Variants in UTRN observed in about 807,000 individuals in gnomAD.
The protein encoded by UTRN is utrophin, also known as dystrophin-related protein 1.
UTRN carries 283 observed loss-of-function variants against 463.9 expected under a neutral mutation model. The observed-to-expected ratio is 0.61, with a 90% CI of 0.55 to 0.67. The LOEUF is 0.67. Among genes scored for constraint, UTRN ranks in the 30% least tolerant of loss-of-function variants. The probability of loss-of-function intolerance (pLI) is 0.00; values close to 1 mark genes in which losing one functional copy is unlikely to be tolerated. For synonymous variants in UTRN, 1,442 were observed against 1,431.5 expected, an observed-to-expected ratio of 1.01 and a Z score of -0.17; for missense variants, 3,922 against 4,084.3, an observed-to-expected ratio of 0.96 and a Z score of 1.08.
chr6:144,506,917 G>T (rs1019772482), intron 34 of UTRN, among the ~76,000 whole-genome samples: 1 of 151,776 alleles, frequency 6.6e-6, no homozygotes, highest in Admixed American at 6.6e-5. Context: ...ATGTAGGTTT[G>T]GTCTTTTCAC....
intron 73 of UTRN, among the ~76,000 whole-genome samples, chr6:144,842,880 G>A (rs1362198299): frequency 3.3e-5 from 5 of 151,314 alleles, no homozygotes; most frequent in Admixed American, 2.0e-4. Context: ...GGCTTTTAGA[G>A]TCTCACAAAA....
chr6:144,622,788 A>G (rs1360997882), intron 51 of UTRN, among the ~76,000 whole-genome samples: 3 of 152,226 alleles, frequency 2.0e-5, no homozygotes, highest in South Asian at 2.1e-4. Flanking sequence ...TCTAGAAAAC[A>G]GGAAAGGATT....
intron 52 of UTRN, among the ~76,000 whole-genome samples, chr6:144,696,605 A>G (rs1784026153): frequency 6.6e-6 from 1 of 152,138 alleles, no homozygotes; most frequent in African/African-American, 2.4e-5. Flanking sequence ...TCTTGGACTA[A>G]TAAAGGTATT....
At chr6:144,408,094 T>C (rs1396832607) in intron 3 of UTRN, among the ~76,000 whole-genome samples, 1 of 152,198 alleles carries the variant, frequency 6.6e-6, no homozygotes, top group Non-Finnish European at 1.5e-5. Context: ...GAGGCATTGC[T>C]GAGAAGTGTA....
At position 144,548,681 on chromosome 6, in the gene UTRN, TC is replaced by T. The variant is rs765514308; in HGVS notation, c.6638del (p.Ser2213Ter). The T allele has an allele frequency of 3.3e-5, 54 of 1,613,952 alleles. No individual in the cohort carries two copies. Among genetic ancestry groups the T allele is most frequent in the Non-Finnish European group, 4.3e-5 (51 of 1,179,964 alleles). Reference protein sequence around the residue: ...VQKVVLVSSASDIPVQSHRTS... With the variant: ...VQKVVLVSSAXDIPVQSHRTS... Reference sequence around the variant, plus strand: ...AAAGGTGGTGCTAGTATCATCTGCGTCAGATATTCCTGTTCAGTCTCATCGT... The same window carrying T: ...AAAGGTGGTGCTAGTATCATCTGCGTAGATATTCCTGTTCAGTCTCATCGT... On this transcript the variant is annotated frameshift_variant, in exon 47 of 75. Transcript: ENST00000367545. LOFTEE classifies it high-confidence loss of function.
intron 2 of UTRN, among the ~76,000 whole-genome samples, chr6:144,315,279 C>T (rs188974874): frequency 6.4e-4 from 97 of 152,258 alleles, no homozygotes; most frequent in African/African-American, 2.2e-3. Flanking sequence ...GAAGTGGGGT[C>T]CCTGGCCTGA....
At chr6:144,751,097 A>T (rs986986973) in intron 55 of UTRN, among the ~76,000 whole-genome samples, 1 of 152,188 alleles carries the variant, frequency 6.6e-6, no homozygotes, top group Admixed American at 6.6e-5. Context: ...TGTTGTTTCT[A>T]CTGGCCACTT....
chr6:144,479,039 T>C (rs1232479858), intron 25 of UTRN, among the ~76,000 whole-genome samples: 1 of 152,008 alleles, frequency 6.6e-6, no homozygotes, highest in Non-Finnish European at 1.5e-5. Flanking sequence ...TCTCCCTCCC[T>C]GCTTTTTAAA....
At position 144,628,623 on chromosome 6, in the gene UTRN, G is replaced by A. The variant is rs557584422; in HGVS notation, c.7480-49783G>A. Among the ~76,000 whole-genome samples the A allele has an allele frequency of 3.9e-5, 6 of 152,218 alleles. No homozygotes were observed. In the South Asian group the frequency reaches 1.2e-3, roughly 32 times the overall value. The stretch of plus-strand genomic sequence containing the variant: ...AAGCTCCTTCATTCTGAGTTGTTCT[G>A]TGAACTAGATTTCATGGTTTACTAA... On this transcript the variant is annotated intron_variant, in intron 51 of 74. Coordinates refer to ENST00000367545, the MANE Select transcript of UTRN (RefSeq NM_007124.3).
chr6:144,584,870 T>G (rs1802309078), intron 51 of UTRN, among the ~76,000 whole-genome samples: 1 of 152,182 alleles, frequency 6.6e-6, no homozygotes, highest in African/African-American at 2.4e-5. Context: ...GATAAGTTTA[T>G]TCTGGTAAAA....
intron 53 of UTRN, among the ~76,000 whole-genome samples, chr6:144,715,078 C>T (rs1562806150): frequency 6.6e-6 from 1 of 152,104 alleles, no homozygotes; most frequent in Non-Finnish European, 1.5e-5. Flanking sequence ...CCAAGCACTC[C>T]CAAAGATATA....
At position 144,754,774 on chromosome 6, in the gene UTRN, C is replaced by G; in HGVS notation, c.8410C>G (p.Pro2804Ala). ...TCAGGAAGCCCACAGAGATTTTGGA[C>G]CATCCTCTCAGCATTTTCTCTCTAG... is the stretch of plus-strand genomic sequence containing the variant. Reference protein sequence around the residue: ...QLQEAHRDFGPSSQHFLSTSV... With the variant: ...QLQEAHRDFGASSQHFLSTSV... Residue 2804 changes from proline to alanine, a missense_variant, in exon 57 of 75, where the codon CCA becomes GCA. By Grantham distance (27) the Pro-to-Ala change is conservative. Around this residue, in one of 3 missense-constraint regions of UTRN, gnomAD observed 1,309 missense variants for 1,452.6 expected, o/e 0.90. Transcript: ENST00000367545. 1 of 1,613,474 alleles carries G rather than the reference C, an allele frequency of 6.2e-7. No individual in the cohort carries two copies. The highest frequency in any genetic ancestry group is 1.1e-5 in the South Asian group (1 of 91,048).
At chr6:144,387,462 G>T (rs6570625) in intron 2 of UTRN, among the ~76,000 whole-genome samples, 27,117 of 152,052 alleles carry the variant, frequency 0.18, 3,886 homozygotes, top group African/African-American at 0.39. Context: ...AATAACTAAT[G>T]ATTTTGCCTT....
chr6:144,406,466 C>T (rs1783427597), intron 3 of UTRN, among the ~76,000 whole-genome samples: 1 of 150,156 alleles, frequency 6.7e-6, no homozygotes. Flanking sequence ...TCCCAGGTTG[C>T]AGCGATTCTC....
intron 50 of UTRN, among the ~76,000 whole-genome samples, chr6:144,576,556 T>C (rs1187301404): frequency 6.6e-6 from 1 of 152,188 alleles, no homozygotes; most frequent in East Asian, 1.9e-4. Context: ...TTTTATTTTG[T>C]CTTAAATATT....
rs756906431 is a variant in UTRN at position 144,730,506 on chromosome 6, T to C, written c.7939+20T>C. The C allele has an allele frequency of 1.9e-6, 3 of 1,586,694 alleles. No individual in the cohort carries two copies. The highest frequency in any genetic ancestry group is 1.4e-5 in the African/African-American group (1 of 73,316). ...AAACAGGTGAGACTGGTTTCTCCAC[T>C]ACATCATAAAAACACATGCTAGGAG... is the stretch of plus-strand genomic sequence containing the variant. On this transcript the variant is annotated intron_variant, in intron 54 of 74. Coordinates refer to ENST00000367545, the MANE Select transcript of UTRN (RefSeq NM_007124.3).
intron 48 of UTRN, among the ~76,000 whole-genome samples, chr6:144,553,949 GT>G (rs1184041195): frequency 6.6e-6 from 1 of 150,418 alleles, no homozygotes; most frequent in African/African-American, 2.4e-5. Flanking sequence ...CCTTAGATCT[GT>G]CTGTCCTTAA....
At chr6:144,696,280 G>A (rs1332861301) in intron 52 of UTRN, among the ~76,000 whole-genome samples, 1 of 151,342 alleles carries the variant, frequency 6.6e-6, no homozygotes, top group Non-Finnish European at 1.5e-5. Flanking sequence ...CATTCTAATA[G>A]AACTTTCTCC....
intron 9 of UTRN, 71 bp downstream of exon 9, chr6:144,429,812 C>G: frequency 6.6e-7 from 1 of 1,512,884 alleles, no homozygotes; most frequent in Non-Finnish European, 8.9e-7. Flanking sequence ...GATAAAAACA[C>G]TTTTAGAGGG....
Sources: gnomAD v4.1 joint callset for allele counts (sites outside exome capture counted in the v4.1 genomes callset) on GRCh38, gnomAD v4.1.1 for gene constraint, gnomAD v4.1.1 regional missense constraint, MANE v1.5 for transcripts, NCBI Gene and HGNC (gene_info 2026-07-23, HGNC 2026-07-21) for gene names.